Variants in SLC24A2 observed in about 807,000 individuals in gnomAD.
SLC24A2 encodes sodium/potassium/calcium exchanger 2.
In SLC24A2, 36 loss-of-function variants were observed where a neutral mutation model predicts 62.0. That is an observed-to-expected ratio of 0.58 (90% CI 0.44 to 0.77). SLC24A2 has a LOEUF of 0.77. Among genes scored for constraint, SLC24A2 ranks in the 30% least tolerant of loss-of-function variants. SLC24A2 has a pLI of 0.00. For synonymous variants in SLC24A2, 358 were observed against 294.0 expected, an observed-to-expected ratio of 1.22 and a Z score of -2.23; for missense variants, 846 against 817.9, an observed-to-expected ratio of 1.03 and a Z score of -0.42.
In SLC24A2 at chr9:19,535,762, T is replaced by A. The variant is rs542632448; in HGVS notation, c.1480-7624A>T. On this transcript the variant is annotated intron_variant, in intron 8 of 10. Coordinates refer to ENST00000341998, the MANE Select transcript of SLC24A2 (RefSeq NM_020344.4). ...GCTGTTTTGGTTACGGTAGCCTAGT[T>A]TGGAGTCAGGTAGTGTGATGCCTCC... 5.3e-5 allele frequency among the ~76,000 whole-genome samples: 8 copies of A among 151,712 alleles called. 1 individual carries two copies. Among genetic ancestry groups the A allele is most frequent in the Admixed American group, 4.6e-4 (7 of 15,232 alleles).
intron 8 of SLC24A2, among the ~76,000 whole-genome samples, chr9:19,545,313 A>G (rs1186138281): frequency 6.6e-6 from 1 of 152,072 alleles, no homozygotes; most frequent in African/African-American, 2.4e-5. Flanking sequence ...TGGTTATTCC[A>G]GTTAGCAATT....
At chr9:19,888,399 A>G in the SLC24A2 span, among the ~76,000 whole-genome samples, 3 of 152,140 alleles carry the variant, frequency 2.0e-5, no homozygotes, top group Admixed American at 6.6e-5. Context: ...GATAAAACCT[A>G]AAGTGACTGA....
At chr9:19,833,886 G>T in the SLC24A2 span, among the ~76,000 whole-genome samples, 1 of 152,200 alleles carries the variant, frequency 6.6e-6, no homozygotes, top group Non-Finnish European at 1.5e-5. Flanking sequence ...AACTTCCAGA[G>T]GAACAATCAG....
chr9:19,767,415 C>T (rs1362316776), intron 2 of SLC24A2, among the ~76,000 whole-genome samples: 1 of 152,176 alleles, frequency 6.6e-6, no homozygotes, highest in Non-Finnish European at 1.5e-5. Context: ...TGCTTGAAAC[C>T]CAGGGCCCTT....
the SLC24A2 span, among the ~76,000 whole-genome samples, chr9:19,908,687 T>C: frequency 6.6e-6 from 1 of 152,090 alleles, no homozygotes; most frequent in Non-Finnish European, 1.5e-5. Context: ...GAACAGACAC[T>C]TTTCAAAAGA....
chr9:20,151,568 G>A, the SLC24A2 span, among the ~76,000 whole-genome samples: 1 of 151,796 alleles, frequency 6.6e-6, no homozygotes, highest in Non-Finnish European at 1.5e-5. Context: ...AGAAAGTTAG[G>A]AGAAAAGGCA....
chr9:19,958,684 T>C, the SLC24A2 span, among the ~76,000 whole-genome samples: 1 of 152,230 alleles, frequency 6.6e-6, no homozygotes, highest in East Asian at 1.9e-4. Flanking sequence ...GTCTATTTCA[T>C]GGGGTTCTTG....
At chr9:19,951,548 A>G in the SLC24A2 span, among the ~76,000 whole-genome samples, 13 of 94,578 alleles carry the variant, frequency 1.4e-4, no homozygotes, top group African/African-American at 4.7e-4. Context: ...TGTTTGAGGT[A>G]AGGTCAAGAT....
chr9:19,548,825 G>A (rs1019880630), intron 8 of SLC24A2, among the ~76,000 whole-genome samples: 3 of 152,242 alleles, frequency 2.0e-5, no homozygotes, highest in Non-Finnish European at 2.9e-5. Flanking sequence ...CCAGCCCTGG[G>A]ATGGACTGTA....
the SLC24A2 span, among the ~76,000 whole-genome samples, chr9:19,796,298 T>G: frequency 1.3e-5 from 2 of 152,214 alleles, no homozygotes. Context: ...AGCTGCATAG[T>G]ATACTAATTC....
intron 8 of SLC24A2, among the ~76,000 whole-genome samples, chr9:19,548,520 G>C (rs1254041512): frequency 6.6e-6 from 1 of 152,138 alleles, no homozygotes; most frequent in Non-Finnish European, 1.5e-5. Flanking sequence ...GGGCTCTCAG[G>C]GTTGGGAAGG....
At chr9:20,119,943 G>A in the SLC24A2 span, among the ~76,000 whole-genome samples, 2 of 152,178 alleles carry the variant, frequency 1.3e-5, no homozygotes, top group East Asian at 3.8e-4. Context: ...TTGCCTTCCA[G>A]TTTTGTAGGT....
At chr9:19,707,588 G>C (rs917924836) in intron 2 of SLC24A2, among the ~76,000 whole-genome samples, 31 of 152,316 alleles carry the variant, frequency 2.0e-4, no homozygotes, top group African/African-American at 7.2e-4. Context: ...TGGGATGCAA[G>C]ACTGGTTCAA....
chr9:20,137,975 A>C, the SLC24A2 span, among the ~76,000 whole-genome samples: 1 of 152,224 alleles, frequency 6.6e-6, no homozygotes, highest in Non-Finnish European at 1.5e-5. Flanking sequence ...GAAAGAGGGA[A>C]ACTGAGACAA....
chr9:19,568,997 T>G (rs1335002440), intron 7 of SLC24A2, among the ~76,000 whole-genome samples: 1 of 152,194 alleles, frequency 6.6e-6, no homozygotes, highest in Non-Finnish European at 1.5e-5. Flanking sequence ...GCATGTTGCT[T>G]TTTTCACTAA....
chr9:20,169,137 T>C, the SLC24A2 span, among the ~76,000 whole-genome samples: 1 of 151,994 alleles, frequency 6.6e-6, no homozygotes, highest in African/African-American at 2.4e-5. Flanking sequence ...ACATGAAGTA[T>C]GTAGAATAGG....
chr9:19,740,116 C>G lies in SLC24A2; in HGVS notation c.930+45821G>C, dbSNP rs567082773. On this transcript the variant is annotated intron_variant, in intron 2 of 10. Coordinates refer to ENST00000341998, the MANE Select transcript of SLC24A2 (RefSeq NM_020344.4). ...GCCAAGTGATGGCAAGGATATAGAG[C>G]AATTAGAACTGGTGAAGGTAAAATA... 1.1e-3 allele frequency among the ~76,000 whole-genome samples: 170 copies of G among 151,248 alleles called. 1 individual carries two copies. The highest frequency in any genetic ancestry group is 1.5e-3 in the Non-Finnish European group (105 of 67,928).
the SLC24A2 span, among the ~76,000 whole-genome samples, chr9:19,912,049 T>C: frequency 6.6e-6 from 1 of 152,152 alleles, no homozygotes; most frequent in African/African-American, 2.4e-5. Flanking sequence ...TTAAAGCCAC[T>C]GCATAGCTTC....
At chr9:19,850,984 TGTATATATATATATATACACATAC>T in the SLC24A2 span, among the ~76,000 whole-genome samples, 51 of 30,488 alleles carry the variant, frequency 1.7e-3, 1 homozygote, top group Non-Finnish European at 3.1e-3. Context: ...TATATATATA[TGTATATATATATATATACACATAC>T]ATATATATAT....
Sources: gnomAD v4.1 joint callset for allele counts (sites outside exome capture counted in the v4.1 genomes callset) on GRCh38, gnomAD v4.1.1 for gene constraint, MANE v1.5 for transcripts, NCBI Gene and HGNC (gene_info 2026-07-23, HGNC 2026-07-21) for gene names.